HCN1: variants seen among roughly 807,000 people sequenced by gnomAD.
The protein encoded by HCN1 is potassium/sodium hyperpolarization-activated cyclic nucleotide-gated channel 1.
In HCN1, 13 loss-of-function variants were observed where a neutral mutation model predicts 78.9. The ratio of observed to expected loss-of-function variants is 0.16; its 90% CI spans 0.11 to 0.26. HCN1 has a LOEUF of 0.26. HCN1 is among the 10% of genes least tolerant of loss of function. The pLI is 1.00. For synonymous variants in HCN1, 552 were observed against 455.5 expected (o/e 1.21, Z -2.70); for missense variants, 810 against 1,154.3 (o/e 0.70, Z 4.32).
At chr5:45,441,684 ATCT>A (rs1302744220) in intron 3 of HCN1, among the ~76,000 whole-genome samples, 1 of 152,196 alleles carries the variant, frequency 6.6e-6, no homozygotes, top group Non-Finnish European at 1.5e-5. Flanking sequence ...ATTAAGAAAA[ATCT>A]TCTTTAAATG....
At chr5:45,666,791 G>A (rs1020431302) in intron 1 of HCN1, among the ~76,000 whole-genome samples, 1 of 151,950 alleles carries the variant, frequency 6.6e-6, no homozygotes, top group Non-Finnish European at 1.5e-5. Flanking sequence ...AAATACCACA[G>A]CTTTAATAAA....
At chr5:45,270,108 G>T (rs1744931951) in intron 6 of HCN1, among the ~76,000 whole-genome samples, 1 of 152,180 alleles carries the variant, frequency 6.6e-6, no homozygotes, top group Admixed American at 6.5e-5. Flanking sequence ...TAATACTTTT[G>T]TTTTCCTTGG....
At chr5:45,439,292 C>G (rs1740624680) in intron 3 of HCN1, among the ~76,000 whole-genome samples, 1 of 152,144 alleles carries the variant, frequency 6.6e-6, no homozygotes, top group South Asian at 2.1e-4. Context: ...CTCCCAAAAT[C>G]TCTCTCAAAT....
At chr5:45,393,945 G>C (rs1372207078) in intron 4 of HCN1, among the ~76,000 whole-genome samples, 1 of 152,220 alleles carries the variant, frequency 6.6e-6, no homozygotes, top group East Asian at 1.9e-4. Flanking sequence ...ATAGAGATCA[G>C]GGGGTAAGGT....
intron 3 of HCN1, among the ~76,000 whole-genome samples, chr5:45,409,773 T>C (rs1739991008): frequency 1.3e-5 from 2 of 151,968 alleles, no homozygotes; most frequent in Non-Finnish European, 2.9e-5. Context: ...AAGGGATCTG[T>C]ATAACAATTT....
At chr5:45,602,699 C>T (rs749861993) in intron 2 of HCN1, among the ~76,000 whole-genome samples, 2 of 152,022 alleles carry the variant, frequency 1.3e-5, no homozygotes, top group Non-Finnish European at 1.5e-5. Context: ...TAAGATAGAA[C>T]ACTTATTTAT....
chr5:45,427,091 G>GTTAA (rs1204153914), intron 3 of HCN1, among the ~76,000 whole-genome samples: 7 of 151,908 alleles, frequency 4.6e-5, no homozygotes, highest in African/African-American at 1.4e-4. Flanking sequence ...ATGAGATAAG[G>GTTAA]TTAAATTCTT....
chr5:45,621,994 G>A (rs1382533966), intron 2 of HCN1, among the ~76,000 whole-genome samples: 3 of 152,100 alleles, frequency 2.0e-5, no homozygotes, highest in Non-Finnish European at 4.4e-5. Flanking sequence ...GCTGAGGCAG[G>A]CAGATCACGA....
At chr5:45,372,074 A>T (rs1170568363) in intron 4 of HCN1, among the ~76,000 whole-genome samples, 6 of 65,156 alleles carry the variant, frequency 9.2e-5, no homozygotes, top group Non-Finnish European at 1.3e-4. Flanking sequence ...ATTATATATT[A>T]TATATAATAT....
intron 1 of HCN1, among the ~76,000 whole-genome samples, 193 bp downstream of exon 1, chr5:45,695,476 T>A (rs964395561): frequency 2.6e-5 from 4 of 152,070 alleles, no homozygotes; most frequent in Admixed American, 6.5e-5. Context: ...CAGGAGCACA[T>A]CCTCCGAGCC....
At chr5:45,281,760 T>G (rs1227287137) in intron 6 of HCN1, among the ~76,000 whole-genome samples, 1 of 151,432 alleles carries the variant, frequency 6.6e-6, no homozygotes, top group Non-Finnish European at 1.5e-5. Context: ...GGGGCTAATT[T>G]TTTTTTGTAT....
Position 45,537,703 on chromosome 5 carries a change from A to C in HCN1, c.850-75696T>G, listed in dbSNP as rs545103965. ...CAGGCACCCGCCACCATGCCTGGCT[A>C]ATTTTTGTATCTAGGTCTTTTATTC... On this transcript the variant is annotated intron_variant, in intron 2 of 7. Coordinates refer to ENST00000303230, the MANE Select transcript of HCN1 (RefSeq NM_021072.4). Among the ~76,000 whole-genome samples the C allele has an allele frequency of 1.2e-3, 187 of 151,740 alleles. 2 individuals carry two copies. Among genetic ancestry groups the C allele is most frequent in the African/African-American group, 4.4e-3 (184 of 41,404 alleles).
chr5:45,269,865 A>T (rs1215476856), intron 6 of HCN1, among the ~76,000 whole-genome samples: 1 of 152,150 alleles, frequency 6.6e-6, no homozygotes, highest in Non-Finnish European at 1.5e-5. Context: ...TTCTTCCAGG[A>T]TACCTGCTGT....
intron 4 of HCN1, among the ~76,000 whole-genome samples, chr5:45,353,479 G>C (rs1460362312): frequency 6.6e-6 from 1 of 151,936 alleles, no homozygotes; most frequent in Non-Finnish European, 1.5e-5. Context: ...AAGATATCGT[G>C]GAGAGGAGGC....
chr5:45,680,804 T>C (rs1322670081), intron 1 of HCN1, among the ~76,000 whole-genome samples: 1 of 152,310 alleles, frequency 6.6e-6, no homozygotes, highest in African/African-American at 2.4e-5. Context: ...TTTCTAATTA[T>C]ATTATCTCTT....
At chr5:45,522,593 GTC>G (rs1742637321) in intron 2 of HCN1, among the ~76,000 whole-genome samples, 1 of 150,730 alleles carries the variant, frequency 6.6e-6, no homozygotes, top group African/African-American at 2.4e-5. Flanking sequence ...TAAAATGTAA[GTC>G]TCTTTTCTTT....
At chr5:45,656,821 C>A (rs1527831) in intron 1 of HCN1, among the ~76,000 whole-genome samples, 76,913 of 151,842 alleles carry the variant, frequency 0.51, 20,813 homozygotes, top group African/African-American at 0.7. Flanking sequence ...AATAATCAAC[C>A]TCTACTTATT....
At chr5:45,635,435 C>T (rs1261800949) in intron 2 of HCN1, among the ~76,000 whole-genome samples, 1 of 152,048 alleles carries the variant, frequency 6.6e-6, no homozygotes, top group Non-Finnish European at 1.5e-5. Flanking sequence ...GATCCCACTA[C>T]TCCTGACTTA....
In HCN1 at chr5:45,430,192, T is replaced by C. The variant is rs897656428; in HGVS notation, c.1011+31654A>G. On this transcript the variant is annotated intron_variant, in intron 3 of 7. Transcript: ENST00000303230. Reference sequence around the variant, plus strand: ...AGGCAGATCCTAATTACAGAAAGAATAGGTAACACTGACATGACTAAAAAT... The same window carrying C: ...AGGCAGATCCTAATTACAGAAAGAACAGGTAACACTGACATGACTAAAAAT... Among the ~76,000 whole-genome samples the C allele has an allele frequency of 7.2e-5, 11 of 152,294 alleles. No individual in the cohort carries two copies. The East Asian group carries it at 2.1e-3, about 29-fold the overall frequency.
Sources: allele counts gnomAD v4.1 joint callset (sites outside exome capture counted in the v4.1 genomes callset), GRCh38; gene constraint gnomAD v4.1.1; transcripts MANE v1.5; gene names NCBI Gene and HGNC (gene_info 2026-07-23, HGNC 2026-07-21).